Variants in CTNNA3 observed in about 807,000 individuals in gnomAD.
CTNNA3 encodes the protein catenin alpha 3, also known as catenin alpha-3.
A neutral mutation model predicts 95.7 loss-of-function variants in CTNNA3; 76 were observed. The ratio of observed to expected loss-of-function variants is 0.79; its 90% CI spans 0.66 to 0.96. The LOEUF is 0.96. CTNNA3 is among the 40% of genes least tolerant of loss of function. The probability of loss-of-function intolerance (pLI) is 0.00; values close to 1 mark genes in which losing one functional copy is unlikely to be tolerated. For synonymous variants in CTNNA3, 431 were observed against 374.4 expected (o/e 1.15, Z -1.74); for missense variants, 1,191 against 1,089.8 (o/e 1.09, Z -1.31).
intron 12 of CTNNA3, among the ~76,000 whole-genome samples, chr10:66,333,856 G>A (rs2092362390): frequency 6.6e-6 from 1 of 151,578 alleles, no homozygotes; most frequent in Admixed American, 6.6e-5. Flanking sequence ...ATTATTGTGT[G>A]GGAGTCTAAG....
At chr10:66,652,399 A>G (rs758162569) in intron 9 of CTNNA3, among the ~76,000 whole-genome samples, 1 of 152,146 alleles carries the variant, frequency 6.6e-6, no homozygotes, top group Admixed American at 6.5e-5. Context: ...CCTAGAAGAA[A>G]TGGGTAAATT....
chr10:66,536,583 G>A (rs1022496729), intron 10 of CTNNA3, among the ~76,000 whole-genome samples: 1 of 151,318 alleles, frequency 6.6e-6, no homozygotes. Context: ...TCAACAAGAA[G>A]ATCATGGTCA....
At chr10:66,928,464 T>C (rs1036056897) in intron 7 of CTNNA3, 3 of 1,577,936 alleles carry the variant, frequency 1.9e-6, no homozygotes, top group East Asian at 2.2e-5. Context: ...TATGAACCAT[T>C]GTGATAAAAA....
chr10:66,974,346 G>T (rs1794323138), intron 7 of CTNNA3, among the ~76,000 whole-genome samples: 1 of 152,130 alleles, frequency 6.6e-6, no homozygotes, highest in African/African-American at 2.4e-5. Context: ...CATTTTAATT[G>T]CTGAGTAATA....
intron 13 of CTNNA3, among the ~76,000 whole-genome samples, chr10:66,203,934 A>T (rs546244104): frequency 6.6e-6 from 1 of 152,128 alleles, no homozygotes; most frequent in East Asian, 1.9e-4. Flanking sequence ...TCTAGTAGAG[A>T]CCACGTATTT....
intron 5 of CTNNA3, among the ~76,000 whole-genome samples, chr10:67,507,655 A>G (rs1269180463): frequency 6.6e-6 from 1 of 152,204 alleles, no homozygotes; most frequent in East Asian, 1.9e-4. Context: ...TAAAATTTAA[A>G]GAACTAATAC....
chr10:66,114,249 AT>A (rs1465796670), intron 13 of CTNNA3, among the ~76,000 whole-genome samples: 1 of 152,006 alleles, frequency 6.6e-6, no homozygotes, highest in Non-Finnish European at 1.5e-5. Context: ...AAATTTGTTC[AT>A]TTTTCTTTTC....
At chr10:66,702,438 T>C (rs1371082059) in intron 9 of CTNNA3, among the ~76,000 whole-genome samples, 1 of 151,996 alleles carries the variant, frequency 6.6e-6, no homozygotes, top group Non-Finnish European at 1.5e-5. Context: ...ATGGTTTTTG[T>C]CTTAGAAGTC....
intron 7 of CTNNA3, among the ~76,000 whole-genome samples, chr10:66,901,377 C>T (rs934751101): frequency 6.6e-6 from 1 of 152,120 alleles, no homozygotes; most frequent in Non-Finnish European, 1.5e-5. Context: ...CTGAAGGAAG[C>T]ACTAAACATG....
chr10:66,365,605 A>G (rs964237846), intron 12 of CTNNA3, among the ~76,000 whole-genome samples: 1 of 152,196 alleles, frequency 6.6e-6, no homozygotes, highest in Non-Finnish European at 1.5e-5. Context: ...TAAGCCATTT[A>G]GAAGTTGTAG....
intron 12 of CTNNA3, among the ~76,000 whole-genome samples, chr10:66,285,726 A>G (rs1342614170): frequency 2.0e-5 from 3 of 151,682 alleles, no homozygotes; most frequent in Non-Finnish European, 2.9e-5. Context: ...TGCATTTCTC[A>G]GTAAGAATTC....
At chr10:66,167,979 T>C (rs78218645) in intron 13 of CTNNA3, among the ~76,000 whole-genome samples, 1,535 of 152,282 alleles carry the variant, frequency 0.01, 34 homozygotes, top group African/African-American at 0.035. Flanking sequence ...GATGCAATCA[T>C]GGGTTTCAGA....
intron 1 of CTNNA3, among the ~76,000 whole-genome samples, chr10:67,657,973 G>C (rs1840073897): frequency 6.6e-6 from 1 of 152,024 alleles, no homozygotes; most frequent in Non-Finnish European, 1.5e-5. Context: ...GGGAGGGCTA[G>C]ATTTCATCTC....
chr10:66,909,224 A>C (rs186932568), intron 7 of CTNNA3, among the ~76,000 whole-genome samples: 1 of 152,084 alleles, frequency 6.6e-6, no homozygotes, highest in East Asian at 1.9e-4. Flanking sequence ...TAAATACAAG[A>C]TCACTACCAG....
intron 7 of CTNNA3, among the ~76,000 whole-genome samples, chr10:66,778,728 C>T (rs1840410855): frequency 6.6e-6 from 1 of 152,080 alleles, no homozygotes; most frequent in African/African-American, 2.4e-5. Flanking sequence ...GTAATCCCAG[C>T]ATTTTGTGAG....
intron 2 of CTNNA3, among the ~76,000 whole-genome samples, chr10:67,625,808 C>A (rs1457684886): frequency 6.6e-6 from 1 of 152,170 alleles, no homozygotes; most frequent in African/African-American, 2.4e-5. Context: ...ATTGCCTCAA[C>A]TCAGGTTTGA....
intron 11 of CTNNA3, among the ~76,000 whole-genome samples, chr10:66,401,518 A>AACACACAC (rs140986771): frequency 0.022 from 3,220 of 143,944 alleles, 68 homozygotes; most frequent in East Asian, 0.11. Flanking sequence ...TGTGTCTCAA[A>AACACACAC]ACACACACAC....
chr10:66,467,927 CT>C (rs371246590), intron 11 of CTNNA3, among the ~76,000 whole-genome samples: 1 of 151,720 alleles, frequency 6.6e-6, no homozygotes, highest in East Asian at 1.9e-4. Flanking sequence ...TACATATTTT[CT>C]TTTTTTTCCC....
At chr10:67,347,788 T>C (rs1842484626) in intron 5 of CTNNA3, among the ~76,000 whole-genome samples, 1 of 150,434 alleles carries the variant, frequency 6.6e-6, no homozygotes, top group South Asian at 2.1e-4. Context: ...TAGAAAAGAA[T>C]TTATATGATG....
Sources: allele counts gnomAD v4.1 joint callset (sites outside exome capture counted in the v4.1 genomes callset), GRCh38; gene constraint gnomAD v4.1.1; transcripts MANE v1.5; gene names NCBI Gene and HGNC (gene_info 2026-07-23, HGNC 2026-07-21).